Variants in CLU observed in about 807,000 individuals in gnomAD.
CLU encodes clusterin.
In CLU, 25 loss-of-function variants were observed where a neutral mutation model predicts 46.4. The ratio of observed to expected loss-of-function variants is 0.54; its 90% CI spans 0.39 to 0.75. CLU has a LOEUF of 0.75. Among genes scored for constraint, CLU ranks in the 30% least tolerant of loss-of-function variants. The pLI is 0.00. For missense variants in CLU, 504 were observed against 592.1 expected, an observed-to-expected ratio of 0.85 and a Z score of 1.54; for synonymous variants, 235 against 235.1, an observed-to-expected ratio of 1.00 and a Z score of 0.00.
Position 27,614,621 on chromosome 8 carries a change from C to T in CLU, c.-30+34G>A, listed in dbSNP as rs114528071. 1,348 of 512,742 alleles carry T rather than the reference C, an allele frequency of 2.6e-3. 8 individuals are homozygous for T. Among genetic ancestry groups the T allele is most frequent in the African/African-American group, 0.024 (1,251 of 51,096 alleles). 31.8% of individuals were successfully genotyped at this position (512,742 alleles called of 1,614,324 possible). A position where few individuals can be genotyped will look rare whatever the true frequency, so the allele number is the denominator to read the frequency against. On this transcript the variant is annotated intron_variant, in intron 1 of 8. Coordinates refer to ENST00000316403, the MANE Select transcript of CLU (RefSeq NM_001831.4). ...CCCGCCCATCCGTCCTGGTGTGGCTCTGCTCAAGGGTAGGGAAGACGGGGA... is the reference window on the plus strand; with the variant it reads ...CCCGCCCATCCGTCCTGGTGTGGCTTTGCTCAAGGGTAGGGAAGACGGGGA...
intron 6 of CLU, 182 bp downstream of exon 6, chr8:27,604,109 A>G: frequency 1.6e-6 from 1 of 626,550 alleles, no homozygotes; most frequent in Non-Finnish European, 2.9e-6. Context: ...ATCTCATTCT[A>G]AGATGAGGAA....
At chr8:27,611,484 C>T (rs887170299) in intron 1 of CLU, 5 of 456,488 alleles carry the variant, frequency 1.1e-5, no homozygotes, top group Admixed American at 9.4e-5. Flanking sequence ...GCCATAGCCC[C>T]GGTCTTACAC....
chr8:27,613,311 G>A (rs112031490), intron 1 of CLU, among the ~76,000 whole-genome samples: 4 of 151,792 alleles, frequency 2.6e-5, no homozygotes, highest in African/African-American at 7.3e-5. Flanking sequence ...GCTTGAACCC[G>A]GATGGCGGAG....
rs1294817768 is a variant in CLU, at chr8:27,597,550, A to G, written c.*691T>C. On this transcript the variant is annotated 3_prime_UTR_variant, in exon 9 of 9. Coordinates refer to ENST00000316403, the MANE Select transcript of CLU (RefSeq NM_001831.4). ...GCAATAGCTCTTACAAATAAAACTG[A>G]TAATTTGGACTTCTGGGCACCAAAT... 4.4e-6 allele frequency: 2 copies of G among 454,178 alleles called. No homozygotes were observed. Among genetic ancestry groups the G allele is most frequent in the Middle Eastern group, 6.9e-4 (1 of 1,444 alleles). 28.1% of individuals were successfully genotyped at this position (454,178 alleles called of 1,614,324 possible). A position where few individuals can be genotyped will look rare whatever the true frequency, so the allele number is the denominator to read the frequency against.
At chr8:27,612,979 G>A (rs1277029524) in intron 1 of CLU, among the ~76,000 whole-genome samples, 2 of 135,946 alleles carry the variant, frequency 1.5e-5, no homozygotes, top group Admixed American at 1.5e-4. Context: ...GGGGGGGCGG[G>A]GGGAGCAGGC....
rs145138539 is a variant in CLU, at chr8:27,610,468, T to C, written c.97+7A>G. ...GGCCAGAGGAACATCATGCTTGGTC[T>C]ACTCACCCTGGAGCTCATTGTCTGA... On this transcript the variant is annotated splice_region_variant and intron_variant, in intron 2 of 8. Transcript: ENST00000316403. The C allele has an allele frequency of 1.1e-4, 174 of 1,611,228 alleles. No homozygotes were observed. In the African/African-American group the frequency reaches 2.2e-3, roughly 20 times the overall value.
chr8:27,611,358 A>G (rs931611009), intron 1 of CLU: 11 of 456,516 alleles, frequency 2.4e-5, no homozygotes, highest in South Asian at 1.7e-4. Context: ...TGGAAGGATG[A>G]GTCCTCTTGC....
intron 6 of CLU, among the ~76,000 whole-genome samples, chr8:27,601,004 C>T (rs1225181573): frequency 6.6e-6 from 1 of 152,196 alleles, no homozygotes; most frequent in Non-Finnish European, 1.5e-5. Context: ...AGCTCCTAAG[C>T]TTGGGCTTTT....
At position 27,611,576 on chromosome 8, in the gene CLU, C is replaced by A. The variant is rs768054319; in HGVS notation, c.-29-976G>T. The A allele has an allele frequency of 7.0e-5, 32 of 457,734 alleles. No homozygotes were observed. The East Asian group carries it at 2.2e-3, about 32-fold the overall frequency. 28.4% of individuals were successfully genotyped at this position (457,734 alleles called of 1,614,324 possible). Reference sequence around the variant, plus strand: ...GCACTCCACCCCCACCATGCCCCTCCCAAGAACTGCTTATCTGAGCTCACC... The same window carrying A: ...GCACTCCACCCCCACCATGCCCCTCACAAGAACTGCTTATCTGAGCTCACC... On this transcript the variant is annotated intron_variant, in intron 1 of 8. Coordinates refer to ENST00000316403, the MANE Select transcript of CLU (RefSeq NM_001831.4).
intron 6 of CLU, among the ~76,000 whole-genome samples, chr8:27,600,887 T>C (rs767469742): frequency 1.1e-4 from 16 of 152,146 alleles, no homozygotes; most frequent in Non-Finnish European, 2.1e-4. Flanking sequence ...AATAATGAAA[T>C]AATTTTTACC....
chr8:27,601,202 C>T (rs1800715345), intron 6 of CLU, among the ~76,000 whole-genome samples: 1 of 152,246 alleles, frequency 6.6e-6, no homozygotes, highest in South Asian at 2.1e-4. Flanking sequence ...GTGCCTGCCA[C>T]CACCCCCGGG....
Position 27,597,067 on chromosome 8 carries a change from C to A in CLU, c.*1174G>T. 1 of 454,020 alleles carries A rather than the reference C, an allele frequency of 2.2e-6. No individual in the cohort carries two copies. Among genetic ancestry groups the A allele is most frequent in the Non-Finnish European group, 4.4e-6 (1 of 226,782 alleles). The allele number at this position is 454,020 out of a possible 1,614,324, so 28.1% of individuals were successfully genotyped here. A position where few individuals can be genotyped will look rare whatever the true frequency, so the allele number is the denominator to read the frequency against. The stretch of plus-strand genomic sequence containing the variant: ...ACTTTACTCTGAATTTCCTTGACAG[C>A]CATGCTAAAATACTTACCTTGGACA... On this transcript the variant is annotated 3_prime_UTR_variant, in exon 9 of 9. Transcript: ENST00000316403.
rs1402109640 is a variant in CLU at position 27,599,860 on chromosome 8, G to A, written c.1084C>T (p.Leu362=). The change falls in exon 7 of 9, where the codon CTG becomes TTG. Residue 362 remains leucine, a synonymous_variant. Transcript: ENST00000316403. This position sits in a 1 kb window ranked among gnomAD's most constrained non-coding sequence, Gnocchi z 4.0. ...MLNTSSLLEQ[L]NEQFNWVSRL... ...GACACCCAGTTAAACTGCTCGTTCA[G>A]CTGCTCCAGCAAGGAGGAGGTGTTG... 1.9e-6 allele frequency: 3 copies of A among 1,614,072 alleles called. No homozygotes were observed. The highest frequency in any genetic ancestry group is 2.5e-6 in the Non-Finnish European group (3 of 1,180,024).
chr8:27,604,103 C>T lies in CLU; in HGVS notation c.934+188G>A, dbSNP rs1800769924. 1.8e-5 allele frequency: 11 copies of T among 619,680 alleles called. No individual in the cohort carries two copies. The South Asian group carries it at 2.0e-4, about 11-fold the overall frequency. 38.4% of individuals were successfully genotyped at this position (619,680 alleles called of 1,614,324 possible). A position where few individuals can be genotyped will look rare whatever the true frequency, so the allele number is the denominator to read the frequency against. ...CAGGGACAGCCTCGCATCATCATCT[C>T]ATTCTAAGATGAGGAACCGAAGCTG... On this transcript the variant is annotated intron_variant, in intron 6 of 8. Transcript: ENST00000316403.
rs1200907757 is a variant in CLU at position 27,605,350 on chromosome 8, A to G, written c.418-15T>C. ...AACTCCTCAAGCTGGGACAGCCAGC[A>G]TGGGCACAGTTAGGAGAAGCTCACC... On this transcript the variant is annotated splice_polypyrimidine_tract_variant and intron_variant, in intron 4 of 8. Transcript: ENST00000316403. The G allele has an allele frequency of 3.7e-6, 6 of 1,613,898 alleles. No individual in the cohort carries two copies. The highest frequency in any genetic ancestry group is 1.6e-4 in the Middle Eastern group (1 of 6,084).
chr8:27,604,510 TTGCCCAGG>T, intron 5 of CLU, 115 bp from the exon 6 acceptor site: 1 of 904,844 alleles, frequency 1.1e-6, no homozygotes, highest in Non-Finnish European at 1.7e-6. Flanking sequence ...TCTCACTCTG[TTGCCCAGG>T]CTGGAATGCA....
At chr8:27,611,407 G>A (rs1585257313) in intron 1 of CLU, 1 of 456,562 alleles carries the variant, frequency 2.2e-6, no homozygotes, top group South Asian at 1.6e-5. Flanking sequence ...CCTCTAAGCC[G>A]ACAGCAGGCT....
intron 6 of CLU, among the ~76,000 whole-genome samples, chr8:27,601,215 A>AT (rs1800715863): frequency 6.6e-6 from 1 of 152,088 alleles, no homozygotes; most frequent in Non-Finnish European, 1.5e-5. Flanking sequence ...CCCCCGGGTG[A>AT]TTTTTTTGTA....
chr8:27,610,912 G>A, intron 1 of CLU: 1 of 389,820 alleles, frequency 2.6e-6, no homozygotes, highest in East Asian at 6.2e-5. Context: ...GACAATCAGC[G>A]AGGCACACAG....
Sources: allele counts gnomAD v4.1 joint callset (sites outside exome capture counted in the v4.1 genomes callset), GRCh38; gene constraint gnomAD v4.1.1; non-coding constraint Gnocchi (gnomAD v3.1); transcripts MANE v1.5; gene names NCBI Gene and HGNC (gene_info 2026-07-23, HGNC 2026-07-21).